Variants in SPG11 observed in about 807,000 individuals in gnomAD.
The protein encoded by SPG11 is spatacsin.
SPG11 carries 222 observed loss-of-function variants against 274.0 expected under a neutral mutation model. That is an observed-to-expected ratio of 0.81 (90% CI 0.73 to 0.91). The LOEUF is 0.91. Among genes scored for constraint, SPG11 ranks in the 40% least tolerant of loss-of-function variants. The pLI, the probability that SPG11 is intolerant of heterozygous loss-of-function variation, is 0.00. For missense variants in SPG11, 3,114 were observed against 2,872.7 expected (o/e 1.08, Z -1.92); for synonymous variants, 1,144 against 1,039.7 (o/e 1.10, Z -1.93).
chr15:44,584,248 A>G lies in SPG11; in HGVS notation c.5432T>C (p.Leu1811Pro). 1 of 1,614,190 alleles carries G rather than the reference A, an allele frequency of 6.2e-7. No homozygotes were observed. The highest frequency in any genetic ancestry group is 8.5e-7 in the Non-Finnish European group (1 of 1,180,022). ...IWLCRITQHT[L>P]GRNQEETEPR... ...CTCTGTTTCCTCCTGATTTCTTCCAAGAGTGTGCTGGGTGATGCGGCACAG... is the reference window on the plus strand; with the variant it reads ...CTCTGTTTCCTCCTGATTTCTTCCAGGAGTGTGCTGGGTGATGCGGCACAG... The change falls in exon 30 of 40, where the codon CTT (leucine) becomes CCT (proline). Residue 1811 changes from leucine (L) to proline (P), a missense_variant. Physicochemically the swap from Leu to Pro is moderately conservative, Grantham distance 98. Transcript: ENST00000261866.
chr15:44,641,156 G>A (rs938990536), intron 7 of SPG11, among the ~76,000 whole-genome samples: 5 of 152,144 alleles, frequency 3.3e-5, no homozygotes, highest in African/African-American at 1.2e-4. Context: ...ATAGCTGGGT[G>A]TAGTGGTAGG....
Position 44,651,720 on chromosome 15 carries a change from T to C in SPG11, c.1227A>G (p.Pro409=), listed in dbSNP as rs150909768. The change falls in exon 6 of 40, where the codon CCA becomes CCG. Residue 409 remains proline (P), a synonymous_variant. Coordinates refer to ENST00000261866, the MANE Select transcript of SPG11 (RefSeq NM_025137.4). ...TGTGCATTATTTTCCATGATCTTCC[T>C]GGATCACTGGTCTTGGCATGATCTT... ...LQKDHAKTSD[P]GRSWKIMHIS... 8.7e-6 allele frequency: 14 copies of C among 1,614,264 alleles called. No individual in the cohort carries two copies. Among genetic ancestry groups the C allele is most frequent in the South Asian group, 5.5e-5 (5 of 91,090 alleles).
intron 34 of SPG11, among the ~76,000 whole-genome samples, chr15:44,569,844 G>A (rs2082382372): frequency 6.6e-6 from 1 of 151,864 alleles, no homozygotes; most frequent in African/African-American, 2.4e-5. Flanking sequence ...AGCCTCCCAA[G>A]TAGCTGGGAT....
intron 23 of SPG11, 86 bp downstream of exon 23, chr15:44,598,179 C>T (rs912353496): frequency 1.2e-5 from 11 of 910,366 alleles, no homozygotes; most frequent in Non-Finnish European, 1.8e-5. Flanking sequence ...AGTGAAAACA[C>T]CAGAGTTGTT....
intron 15 of SPG11, among the ~76,000 whole-genome samples, chr15:44,616,645 C>T (rs1354941063): frequency 6.6e-6 from 1 of 152,068 alleles, no homozygotes; most frequent in Non-Finnish European, 1.5e-5. Flanking sequence ...TGTGATTTAT[C>T]CATGTTGATA....
intron 24 of SPG11, 58 bp from the exon 25 acceptor site, chr15:44,596,413 G>C: frequency 6.3e-7 from 1 of 1,588,614 alleles, no homozygotes; most frequent in Non-Finnish European, 8.6e-7. Flanking sequence ...AGCTGGAGCT[G>C]AAAATGTTAG....
In SPG11 at chr15:44,575,142, C is replaced by T. The variant is rs533462557; in HGVS notation, c.5867-101G>A. ...TCTCTGCTTGAAGCTCCCTGCACTG[C>T]ACTCCCATTACTCTGACTGGGGATA... On this transcript the variant is annotated intron_variant, in intron 30 of 39. Coordinates refer to ENST00000261866, the MANE Select transcript of SPG11 (RefSeq NM_025137.4). 2.7e-5 allele frequency: 39 copies of T among 1,435,518 alleles called. No individual in the cohort carries two copies. The East Asian group carries it at 4.7e-4, about 17-fold the overall frequency. The allele number at this position is 1,435,518 out of a possible 1,614,324, so 88.9% of individuals were successfully genotyped here.
chr15:44,597,135 CAG>C (rs2083066638), intron 23 of SPG11, 192 bp from the exon 24 acceptor site: 1 of 492,242 alleles, frequency 2.0e-6, no homozygotes, highest in African/African-American at 2.4e-5. Flanking sequence ...TTTTTTGAGA[CAG>C]AGTTTCGCTC....
At chr15:44,583,427 C>T (rs896607144) in intron 30 of SPG11, among the ~76,000 whole-genome samples, 4 of 152,132 alleles carry the variant, frequency 2.6e-5, no homozygotes, top group African/African-American at 9.6e-5. Flanking sequence ...CATTGCACTC[C>T]AGCCTGGGCG....
chr15:44,603,053 ATTTTTTTTT>A (rs988355401), intron 20 of SPG11, among the ~76,000 whole-genome samples: 7 of 131,294 alleles, frequency 5.3e-5, no homozygotes, highest in Non-Finnish European at 9.9e-5. Context: ...CCAACAGGCA[ATTTTTTTTT>A]TTTTTTTTTT....
chr15:44,584,610 A>G, intron 29 of SPG11, 52 bp from the exon 30 acceptor site: 1 of 1,582,810 alleles, frequency 6.3e-7, no homozygotes, highest in Non-Finnish European at 8.6e-7. Flanking sequence ...AAAAAGTATC[A>G]TAAATGCTAA....
chr15:44,570,446 C>T, intron 34 of SPG11, 79 bp downstream of exon 34: 1 of 1,590,926 alleles, frequency 6.3e-7, no homozygotes, highest in Non-Finnish European at 8.6e-7. Context: ...ACTACATCAG[C>T]TCTGGGCTGG....
intron 31 of SPG11, among the ~76,000 whole-genome samples, chr15:44,574,063 G>A (rs555340406): frequency 1.1e-4 from 16 of 152,340 alleles, no homozygotes; most frequent in African/African-American, 3.8e-4. Context: ...AAGTGCAATG[G>A]CACAATCTTG....
chr15:44,567,066 C>T (rs979725577), intron 36 of SPG11, among the ~76,000 whole-genome samples: 2 of 151,176 alleles, frequency 1.3e-5, no homozygotes, highest in East Asian at 2.0e-4. Flanking sequence ...AGAATTTTAT[C>T]GAGGGCCGGG....
In SPG11 at chr15:44,583,912, C is replaced by G. The variant is rs763293680; in HGVS notation, c.5768G>C (p.Ser1923Thr). 1.2e-6 allele frequency: 2 copies of G among 1,614,090 alleles called. No individual in the cohort carries two copies. Among genetic ancestry groups the G allele is most frequent in the Admixed American group, 1.7e-5 (1 of 60,010 alleles). The change falls in exon 30 of 40, where the codon AGT becomes ACT. Residue 1923 changes from serine to threonine, a missense_variant. Transcript: ENST00000261866. Reference sequence around the variant, plus strand: ...GATCTCTGGGTGCAGATCCTCCATACTAGCTTCCCCTGAGGCCAGTGCTCT... The same window carrying G: ...GATCTCTGGGTGCAGATCCTCCATAGTAGCTTCCCCTGAGGCCAGTGCTCT... ...HCRALASGEA[S>T]MEDLHPEIHA...
Position 44,651,922 on chromosome 15 carries a change from A to G in SPG11, c.1025T>C (p.Leu342Pro). Residue 342 changes from leucine to proline, a missense_variant, in exon 6 of 40, where the codon CTA becomes CCA. Coordinates refer to ENST00000261866, the MANE Select transcript of SPG11 (RefSeq NM_025137.4). ...CTTTATTGTTTCATTCAATGATGATAGCTGGGCTTTCCAAGACCTGGAAAC... is the reference window on the plus strand; with the variant it reads ...CTTTATTGTTTCATTCAATGATGATGGCTGGGCTTTCCAAGACCTGGAAAC... Reference protein sequence around the residue: ...FQIDRSWKAQLSSLNETIKNS... With the variant: ...FQIDRSWKAQPSSLNETIKNS... 2 of 1,611,230 alleles carry G rather than the reference A, an allele frequency of 1.2e-6. No homozygotes were observed. The highest frequency in any genetic ancestry group is 1.7e-6 in the Non-Finnish European group (2 of 1,179,432).
rs2082446860 is a variant in SPG11 at position 44,572,664 on chromosome 15, A to C, written c.6343+19T>G. The C allele has an allele frequency of 6.2e-7, 1 of 1,613,646 alleles. No homozygotes were observed. Among genetic ancestry groups the C allele is most frequent in the Admixed American group, 1.7e-5 (1 of 59,980 alleles). On this transcript the variant is annotated intron_variant, in intron 33 of 39. Coordinates refer to ENST00000261866, the MANE Select transcript of SPG11 (RefSeq NM_025137.4). Reference sequence around the variant, plus strand: ...CCTGTTTAGGGCCAAAATATGTAAGAAAAAGGTCAATAACTTACTGCAAGA... The same window carrying C: ...CCTGTTTAGGGCCAAAATATGTAAGCAAAAGGTCAATAACTTACTGCAAGA...
In SPG11 at chr15:44,657,281, A is replaced by C; in HGVS notation, c.683T>G (p.Val228Gly). 6.2e-7 allele frequency: 1 copy of C among 1,614,208 alleles called. No individual in the cohort carries two copies. The highest frequency in any genetic ancestry group is 8.5e-7 in the Non-Finnish European group (1 of 1,180,026). Residue 228 changes from valine to glycine, a missense_variant, in exon 4 of 40, where the codon GTG becomes GGG. Transcript: ENST00000261866. ...CACATGAGCTACATATGTACCATCC[A>C]CAACATCAAAAATGTCTTTTAGTTA... ...SLGWIYIFDV[V>G]DGTYVAHVDL...
chr15:44,576,186 G>C (rs1478751506), intron 30 of SPG11, among the ~76,000 whole-genome samples: 2 of 144,946 alleles, frequency 1.4e-5, no homozygotes, highest in African/African-American at 5.1e-5. Flanking sequence ...CTTAAAATAG[G>C]AGAAGATATT....
Sources: allele counts gnomAD v4.1 joint callset (sites outside exome capture counted in the v4.1 genomes callset), GRCh38; gene constraint gnomAD v4.1.1; transcripts MANE v1.5; gene names NCBI Gene and HGNC (gene_info 2026-07-23, HGNC 2026-07-21).